Variants in SLF1 observed in about 807,000 individuals in gnomAD.
The protein encoded by SLF1 is SMC5-SMC6 complex localization factor protein 1.
SLF1 carries 105 observed loss-of-function variants against 123.0 expected under a neutral mutation model. The ratio of observed to expected loss-of-function variants is 0.85; its 90% CI spans 0.73 to 1.00. The LOEUF (loss-of-function observed/expected upper bound fraction) is 1.00. Among genes scored for constraint, SLF1 ranks in the 50% least tolerant of loss-of-function variants. SLF1 has a pLI of 0.00. For synonymous variants in SLF1, 434 were observed against 406.6 expected, an observed-to-expected ratio of 1.07 and a Z score of -0.81; for missense variants, 1,239 against 1,223.0, an observed-to-expected ratio of 1.01 and a Z score of -0.20.
rs1585115024 is a variant in SLF1 at position 94,634,765 on chromosome 5, G to T, written c.431+4022G>T. On this transcript the variant is annotated intron_variant, in intron 4 of 20. Transcript: ENST00000265140. ...CTTTTTGATAATAAGCATTCTGACAGAACTGAGATGTAATTTTCATTTTCC... is the reference window on the plus strand; with the variant it reads ...CTTTTTGATAATAAGCATTCTGACATAACTGAGATGTAATTTTCATTTTCC... 3.9e-5 allele frequency among the ~76,000 whole-genome samples: 6 copies of T among 152,090 alleles called. No homozygotes were observed. The South Asian group carries it at 1.2e-3, about 32-fold the overall frequency.
chr5:94,619,093 C>A (rs1328112045), intron 1 of SLF1, among the ~76,000 whole-genome samples: 2 of 152,118 alleles, frequency 1.3e-5, no homozygotes, highest in Admixed American at 6.5e-5. Flanking sequence ...GCAGCTCTGC[C>A]GCTCGGCCCG....
At chr5:94,691,723 C>A in intron 19 of SLF1, 67 bp downstream of exon 19, 3 of 1,197,796 alleles carry the variant, frequency 2.5e-6, no homozygotes, top group South Asian at 1.6e-5. Flanking sequence ...AGTTTTATAT[C>A]ACATTAAGAA....
intron 14 of SLF1, among the ~76,000 whole-genome samples, chr5:94,674,325 C>G (rs1478324346): frequency 1.3e-5 from 2 of 152,094 alleles, no homozygotes; most frequent in Non-Finnish European, 2.9e-5. Flanking sequence ...ACATATTTAA[C>G]TTGAAGATTT....
intron 4 of SLF1, among the ~76,000 whole-genome samples, chr5:94,640,254 A>G (rs936230557): frequency 3.3e-5 from 5 of 152,200 alleles, no homozygotes; most frequent in African/African-American, 9.6e-5. Flanking sequence ...TTTTTACTGC[A>G]TATAGAATTA....
chr5:94,652,394 A>C (rs973487693), intron 7 of SLF1, among the ~76,000 whole-genome samples: 2 of 151,862 alleles, frequency 1.3e-5, no homozygotes, highest in South Asian at 2.1e-4. Flanking sequence ...TTATTTTCTT[A>C]TTTTTCATTA....
chr5:94,622,940 G>A (rs562126094), intron 1 of SLF1, among the ~76,000 whole-genome samples: 88 of 151,950 alleles, frequency 5.8e-4, no homozygotes, highest in African/African-American at 1.9e-3. Context: ...AGCACCTTCC[G>A]CTTTTTCCCA....
chr5:94,631,302 A>G (rs943614292), intron 4 of SLF1, among the ~76,000 whole-genome samples: 2 of 152,120 alleles, frequency 1.3e-5, no homozygotes, highest in African/African-American at 2.4e-5. Context: ...AATTAAGGGT[A>G]TATTTTGATG....
intron 4 of SLF1, among the ~76,000 whole-genome samples, chr5:94,633,068 G>A (rs1003929513): frequency 6.6e-5 from 10 of 151,760 alleles, no homozygotes; most frequent in African/African-American, 2.2e-4. Context: ...TTGGCTCACC[G>A]CAACCTCTGC....
At chr5:94,626,117 G>C (rs1792219080) in intron 1 of SLF1, among the ~76,000 whole-genome samples, 1 of 151,866 alleles carries the variant, frequency 6.6e-6, no homozygotes, top group Non-Finnish European at 1.5e-5. Flanking sequence ...GCCAGGCCTG[G>C]TGGCGGGCGC....
intron 5 of SLF1, among the ~76,000 whole-genome samples, chr5:94,644,625 C>G (rs996112951): frequency 5.3e-5 from 8 of 152,204 alleles, no homozygotes; most frequent in Admixed American, 1.3e-4. Flanking sequence ...CTCCACTACT[C>G]CTTCACTCTG....
chr5:94,659,475 A>T (rs13362556), intron 9 of SLF1, among the ~76,000 whole-genome samples: 38,263 of 151,898 alleles, frequency 0.25, 5,160 homozygotes, highest in Non-Finnish European at 0.29. Flanking sequence ...AATTTTGTGA[A>T]TTGGTTTTCA....
intron 12 of SLF1, among the ~76,000 whole-genome samples, chr5:94,668,315 G>C (rs745824713): frequency 1.3e-5 from 2 of 151,764 alleles, no homozygotes; most frequent in Admixed American, 6.6e-5. Flanking sequence ...CAATTTTGTT[G>C]TTGTGGTTGT....
At chr5:94,618,362 A>C (rs1217229474), upstream of SLF1, 1 of 152,758 alleles carries the variant, frequency 6.5e-6, no homozygotes, top group East Asian at 1.9e-4. Context: ...ACTGGGTGTC[A>C]AGCGCCACGG....
chr5:94,646,592 G>A (rs1348794315), intron 5 of SLF1, among the ~76,000 whole-genome samples: 3 of 152,136 alleles, frequency 2.0e-5, no homozygotes, highest in Non-Finnish European at 4.4e-5. Context: ...CCCAAGGAAG[G>A]TTTCATAAAA....
intron 12 of SLF1, 90 bp from the exon 13 acceptor site, chr5:94,670,061 C>T: frequency 4.1e-6 from 5 of 1,218,848 alleles, no homozygotes; most frequent in East Asian, 3.1e-5. Context: ...ATTAAAATTC[C>T]AGCAGTATTC....
At chr5:94,649,699 T>G in intron 6 of SLF1, 102 bp downstream of exon 6, 1 of 1,141,880 alleles carries the variant, frequency 8.8e-7, no homozygotes, top group Non-Finnish European at 1.2e-6. Flanking sequence ...ATCAGAAGGC[T>G]GGTGTTTGAA....
intron 5 of SLF1, among the ~76,000 whole-genome samples, chr5:94,646,714 T>C (rs1174043678): frequency 6.6e-6 from 1 of 152,178 alleles, no homozygotes; most frequent in African/African-American, 2.4e-5. Flanking sequence ...AGCATAGACT[T>C]TTTGAGCCAG....
At chr5:94,649,864 C>A (rs1164319278) in intron 6 of SLF1, among the ~76,000 whole-genome samples, 1 of 151,858 alleles carries the variant, frequency 6.6e-6, no homozygotes, top group Admixed American at 6.6e-5. Flanking sequence ...ATGTAATTAC[C>A]ATGTTTAGGT....
intron 20 of SLF1, among the ~76,000 whole-genome samples, chr5:94,694,233 T>G (rs1029247953): frequency 6.6e-6 from 1 of 151,920 alleles, no homozygotes; most frequent in African/African-American, 2.4e-5. Flanking sequence ...AAGTAGGTAG[T>G]TAAATGAGTT....
Sources: gnomAD v4.1 joint callset for allele counts (sites outside exome capture counted in the v4.1 genomes callset) on GRCh38, gnomAD v4.1.1 for gene constraint, MANE v1.5 for transcripts, NCBI Gene and HGNC (gene_info 2026-07-23, HGNC 2026-07-21) for gene names.